F5: variants seen among roughly 807,000 people sequenced by gnomAD.
F5 encodes the protein activated protein c cofactor.
Under a neutral mutation model 216.4 loss-of-function variants are expected in F5, and 138 were observed. The observed-to-expected ratio is 0.64, with a 90% CI of 0.56 to 0.73. F5 has a LOEUF of 0.73. F5 is among the 30% of genes least tolerant of loss of function. F5 has a pLI of 0.00. For synonymous variants in F5, 916 were observed against 930.7 expected, an observed-to-expected ratio of 0.98 and a Z score of 0.29; for missense variants, 2,403 against 2,674.0, an observed-to-expected ratio of 0.90 and a Z score of 2.24.
At chr1:169,519,898 T>A (rs1209487099) in intron 22 of F5, among the ~76,000 whole-genome samples, 1 of 152,224 alleles carries the variant, frequency 6.6e-6, no homozygotes, top group East Asian at 1.9e-4. Context: ...CAGTTAAGAC[T>A]CTTAAACATC....
chr1:169,581,137 G>A (rs1309563750), intron 2 of F5, among the ~76,000 whole-genome samples: 3 of 152,118 alleles, frequency 2.0e-5, no homozygotes, highest in Non-Finnish European at 2.9e-5. Flanking sequence ...ATACTGAGCA[G>A]GAGTGGTAAG....
At chr1:169,585,413 G>T (rs1661082457) in intron 1 of F5, among the ~76,000 whole-genome samples, 1 of 152,102 alleles carries the variant, frequency 6.6e-6, no homozygotes, top group Admixed American at 6.5e-5. Flanking sequence ...ACACTAGCAG[G>T]TTTACCATTT....
chr1:169,541,513 C>T lies in F5; in HGVS notation c.3577G>A (p.Val1193Met). Residue 1193 changes from valine to methionine, a missense_variant, in exon 13 of 25, where the codon GTG becomes ATG. By Grantham distance (21) the Val-to-Met change is conservative (BLOSUM62 1). Transcript: ENST00000367797. Reference sequence around the variant, plus strand: ...TGGCTGAGTTCTGGAGAGAGGGTCACCTGGCTGAGGTCTGGAGAGATGACT... The same window carrying T: ...TGGCTGAGTTCTGGAGAGAGGGTCATCTGGCTGAGGTCTGGAGAGATGACT... Reference protein sequence around the residue: ...QTVISPDLSQVTLSPELSQTN... With the variant: ...QTVISPDLSQMTLSPELSQTN... 1.9e-6 allele frequency: 3 copies of T among 1,613,050 alleles called. No homozygotes were observed. The highest frequency in any genetic ancestry group is 2.5e-6 in the Non-Finnish European group (3 of 1,179,694).
At position 169,528,021 on chromosome 1, in the gene F5, C is replaced by CA; in HGVS notation, c.5492dup (p.Asn1832GlufsTer24). 1 of 1,613,948 alleles carries CA rather than the reference C, an allele frequency of 6.2e-7. No homozygotes were observed. The highest frequency in any genetic ancestry group is 8.5e-7 in the Non-Finnish European group (1 of 1,179,894). ...GAATGTCTTGGGAGCCGCCTATGTT[C>CA]AGCAGGTGTAACCTCACCCACTCTT... is the stretch of plus-strand genomic sequence containing the variant. On this transcript the variant is annotated frameshift_variant, in exon 17 of 25. Transcript: ENST00000367797. LOFTEE classifies it high-confidence loss of function.
intron 3 of F5, among the ~76,000 whole-genome samples, chr1:169,566,817 G>A (rs1660612669): frequency 6.6e-6 from 1 of 151,950 alleles, no homozygotes; most frequent in Non-Finnish European, 1.5e-5. Context: ...GATAGCCTGT[G>A]GGAATACATG....
chr1:169,512,933 G>A lies in F5; in HGVS notation c.*1380C>T, dbSNP rs1252808205. The stretch of plus-strand genomic sequence containing the variant: ...ACGAATAGAATGCAGCAAAAGCAAA[G>A]CCCTGTCTCCTAGAGATTCTGGTAT... On this transcript the variant is annotated 3_prime_UTR_variant, in exon 25 of 25. Transcript: ENST00000367797. Among the ~76,000 whole-genome samples the A allele has an allele frequency of 6.6e-6, 1 of 152,004 alleles. No individual in the cohort carries two copies. Among genetic ancestry groups the A allele is most frequent in the African/African-American group, 2.4e-5 (1 of 41,402 alleles).
At chr1:169,554,340 C>T (rs1007471356) in intron 7 of F5, among the ~76,000 whole-genome samples, 3 of 152,166 alleles carry the variant, frequency 2.0e-5, no homozygotes, top group Non-Finnish European at 2.9e-5. Context: ...AATTTAATAA[C>T]ATATCTTGGA....
intron 7 of F5, among the ~76,000 whole-genome samples, chr1:169,552,983 C>T (rs1203609656): frequency 6.6e-6 from 1 of 152,276 alleles, no homozygotes; most frequent in East Asian, 1.9e-4. Context: ...CTTAGATCTT[C>T]CTGTCATTCT....
Position 169,530,801 on chromosome 1 carries a change from G to A in F5, c.5193C>T (p.Tyr1731=), listed in dbSNP as rs1436297908. ...PGSACRAWAY[Y]SAVNPEKDIH... ...AAGTACCTACTGGGTTCACAGCTGAGTAGTAGGCCCAAGCCCGACAGGCAG... is the reference window on the plus strand; with the variant it reads ...AAGTACCTACTGGGTTCACAGCTGAATAGTAGGCCCAAGCCCGACAGGCAG... The change falls in exon 15 of 25, where the codon TAC becomes TAT. Residue 1731 remains tyrosine (Y), a synonymous_variant. Transcript: ENST00000367797. 2 of 1,613,852 alleles carry A rather than the reference G, an allele frequency of 1.2e-6. No homozygotes were observed. Among genetic ancestry groups the A allele is most frequent in the Admixed American group, 1.7e-5 (1 of 60,004 alleles).
At chr1:169,515,977 G>T (rs906929972) in intron 23 of F5, among the ~76,000 whole-genome samples, 3 of 152,042 alleles carry the variant, frequency 2.0e-5, no homozygotes, top group Non-Finnish European at 2.9e-5. Flanking sequence ...GAATAAATGA[G>T]CTTTATTTGG....
chr1:169,585,825 T>A (rs1661091689), intron 1 of F5, among the ~76,000 whole-genome samples: 1 of 152,200 alleles, frequency 6.6e-6, no homozygotes, highest in Non-Finnish European at 1.5e-5. Flanking sequence ...ATAAATAATA[T>A]GTAACTAGGA....
intron 22 of F5, among the ~76,000 whole-genome samples, chr1:169,520,307 C>T (rs1289957799): frequency 6.6e-6 from 1 of 152,174 alleles, no homozygotes; most frequent in Non-Finnish European, 1.5e-5. Flanking sequence ...CAGGCACTTT[C>T]TTCACAGAGA....
chr1:169,565,041 G>T (rs906136931), intron 3 of F5, among the ~76,000 whole-genome samples: 5 of 151,842 alleles, frequency 3.3e-5, no homozygotes, highest in Non-Finnish European at 4.4e-5. Flanking sequence ...TGTCCCTTGG[G>T]TCCCCTGTCA....
intron 12 of F5, among the ~76,000 whole-genome samples, chr1:169,544,051 G>T (rs1035838486): frequency 6.6e-6 from 1 of 152,044 alleles, no homozygotes; most frequent in African/African-American, 2.4e-5. Flanking sequence ...TTATTTTTCT[G>T]CTGTTGTATA....
intron 6 of F5, 25 bp downstream of exon 6, chr1:169,556,621 C>CAAGACTGTCA (rs746020476): frequency 5.0e-6 from 8 of 1,610,752 alleles, no homozygotes; most frequent in Middle Eastern, 3.3e-4. Flanking sequence ...CATTGAGAAG[C>CAAGACTGTCA]AAGACTGTCA....
rs774678105 is a variant in F5, at chr1:169,541,832, C to A, written c.3258G>T (p.Leu1086Phe). ...TSLPTDLNQTLPSMDFGWIAS... is the reference protein window; with the variant it reads ...TSLPTDLNQTFPSMDFGWIAS... ...CTATCCAGCCAAAATCCATAGAGGGCAATGTCTGATTGAGGTCTGTGGGAA... is the reference window on the plus strand; with the variant it reads ...CTATCCAGCCAAAATCCATAGAGGGAAATGTCTGATTGAGGTCTGTGGGAA... The change falls in exon 13 of 25, where the codon TTG (leucine) becomes TTT (phenylalanine). Residue 1086 changes from leucine to phenylalanine, a missense_variant. Around this residue, in one of 4 missense-constraint regions of F5, gnomAD observed 1,425 missense variants for 1,554.8 expected, o/e 0.92. Coordinates refer to ENST00000367797, the MANE Select transcript of F5 (RefSeq NM_000130.5). 6.2e-7 allele frequency: 1 copy of A among 1,613,936 alleles called. No homozygotes were observed. Among genetic ancestry groups the A allele is most frequent in the Non-Finnish European group, 8.5e-7 (1 of 1,179,984 alleles).
intron 1 of F5, among the ~76,000 whole-genome samples, chr1:169,582,926 G>A (rs745979648): frequency 6.6e-6 from 1 of 152,122 alleles, no homozygotes; most frequent in Non-Finnish European, 1.5e-5. Flanking sequence ...AATCTACTGG[G>A]GAACATTGTG....
chr1:169,573,812 C>T (rs915390706), intron 2 of F5, among the ~76,000 whole-genome samples: 2 of 152,050 alleles, frequency 1.3e-5, no homozygotes, highest in Non-Finnish European at 2.9e-5. Context: ...CAAAATATTA[C>T]AGAAGAAGAG....
intron 2 of F5, among the ~76,000 whole-genome samples, chr1:169,581,067 A>C (rs1660975612): frequency 6.6e-6 from 1 of 152,146 alleles, no homozygotes; most frequent in South Asian, 2.1e-4. Context: ...CTGGGTAGGT[A>C]GTAGTGAAAG....
Sources: gnomAD v4.1 joint callset for allele counts (sites outside exome capture counted in the v4.1 genomes callset) on GRCh38, gnomAD v4.1.1 for gene constraint, gnomAD v4.1.1 regional missense constraint, MANE v1.5 for transcripts, NCBI Gene and HGNC (gene_info 2026-07-23, HGNC 2026-07-21) for gene names.